NOVA1: variants seen among roughly 807,000 people sequenced by gnomAD.
The protein encoded by NOVA1 is NOVA alternative splicing regulator 1.
Under a neutral mutation model 38.0 loss-of-function variants are expected in NOVA1, and 7 were observed. The observed-to-expected ratio is 0.18, with a 90% CI of 0.10 to 0.35. The LOEUF (loss-of-function observed/expected upper bound fraction) is 0.35, where lower values mean the gene tolerates loss of function less well. NOVA1 is among the 10% of genes least tolerant of loss of function. The pLI is 1.00. For synonymous variants in NOVA1, 270 were observed against 232.5 expected (o/e 1.16, Z -1.47); for missense variants, 460 against 616.0 (o/e 0.75, Z 2.68).
intron 4 of NOVA1, among the ~76,000 whole-genome samples, chr14:26,454,215 G>GAA (rs1882968534): frequency 6.6e-6 from 1 of 152,024 alleles, no homozygotes; most frequent in African/African-American, 2.4e-5. Context: ...TTTGTGTTGG[G>GAA]CCACATTCAA....
chr14:26,562,197 A>G (rs928009950), intron 2 of NOVA1, among the ~76,000 whole-genome samples: 4 of 152,202 alleles, frequency 2.6e-5, no homozygotes, highest in African/African-American at 7.2e-5. Context: ...TTAATAAACT[A>G]AAAGTATCAA....
At chr14:26,596,433 C>T in intron 1 of NOVA1, 2 of 722,676 alleles carry the variant, frequency 2.8e-6, no homozygotes, top group Non-Finnish European at 3.9e-6. Flanking sequence ...CTTTAATTTC[C>T]GTCAACTTGA....
chr14:26,467,959 T>A (rs905673756), intron 4 of NOVA1, among the ~76,000 whole-genome samples: 3 of 152,168 alleles, frequency 2.0e-5, no homozygotes, highest in Admixed American at 6.6e-5. Flanking sequence ...CCCACTGGTG[T>A]TACAACCTGT....
Position 26,480,110 on chromosome 14 carries a change from G to A in NOVA1, c.314C>T (p.Thr105Met), listed in dbSNP as rs374985653. ...ATGAACTGCATTCAGTGCTTCAACC[G>A]TTCCCTGGATCAAGCACACTCGCTC... is the stretch of plus-strand genomic sequence containing the variant. ...TTERVCLIQG[T>M]VEALNAVHGF... is the part of the protein sequence containing the mutation. Residue 105 changes from threonine to methionine, a missense_variant, in exon 3 of 5, where the codon ACG becomes ATG. Transcript: ENST00000539517. The A allele has an allele frequency of 2.5e-5, 41 of 1,613,488 alleles. No individual in the cohort carries two copies. The highest frequency in any genetic ancestry group is 8.8e-5 in the South Asian group (8 of 91,040).
chr14:26,498,912 T>C (rs1887039417), intron 2 of NOVA1, among the ~76,000 whole-genome samples: 1 of 152,176 alleles, frequency 6.6e-6, no homozygotes, highest in South Asian at 2.1e-4. Context: ...TTGGAGAATA[T>C]TATGCTAAGT....
At chr14:26,523,641 C>T (rs962561950) in intron 2 of NOVA1, among the ~76,000 whole-genome samples, 1 of 151,436 alleles carries the variant, frequency 6.6e-6, no homozygotes, top group African/African-American at 2.4e-5. Context: ...TGGTTGTATA[C>T]TAATACATTT....
intron 2 of NOVA1, among the ~76,000 whole-genome samples, chr14:26,531,877 T>C (rs1889742661): frequency 6.6e-6 from 1 of 152,088 alleles, no homozygotes; most frequent in Admixed American, 6.5e-5. Flanking sequence ...AACTGATTAG[T>C]AGAAAAACAA....
Position 26,448,030 on chromosome 14 carries a change from G to C in NOVA1, c.1453C>G (p.Gln485Glu), listed in dbSNP as rs2138546509. 1.2e-6 allele frequency: 2 copies of C among 1,614,122 alleles called. No individual in the cohort carries two copies. Among genetic ancestry groups the C allele is most frequent in the East Asian group, 4.5e-5 (2 of 44,876 alleles). ...GTGATCCTTTGTGTAATTAAATATT[G>C]AGCAGCCTGTGTTGCAGCTGGTGTT... ...TGTPAATQAA[Q>E]YLITQRITYE... The change falls in exon 5 of 5, where the codon CAA becomes GAA. Residue 485 changes from glutamine to glutamate, a missense_variant. By Grantham distance (29) the Gln-to-Glu change is conservative. Transcript: ENST00000539517. This position sits in a 1 kb window ranked among gnomAD's most constrained non-coding sequence, Gnocchi z 5.3.
At chr14:26,492,008 CTG>C (rs1437253892) in intron 2 of NOVA1, among the ~76,000 whole-genome samples, 6 of 151,710 alleles carry the variant, frequency 4.0e-5, no homozygotes, top group African/African-American at 1.5e-4. Context: ...TAAGTCGAGT[CTG>C]TATACTTTGG....
At chr14:26,457,812 T>C (rs921590182) in intron 4 of NOVA1, among the ~76,000 whole-genome samples, 2 of 152,130 alleles carry the variant, frequency 1.3e-5, no homozygotes, top group African/African-American at 4.8e-5. Flanking sequence ...CCATGTGTAT[T>C]AGTGCCCCCA....
At chr14:26,455,236 A>T (rs2138583207) in intron 4 of NOVA1, among the ~76,000 whole-genome samples, 1 of 152,224 alleles carries the variant, frequency 6.6e-6, no homozygotes, top group African/African-American at 2.4e-5. Context: ...GCTCACTCAG[A>T]TTTTAAACCT....
intron 4 of NOVA1, among the ~76,000 whole-genome samples, chr14:26,455,276 T>C (rs1379716360): frequency 6.6e-6 from 1 of 152,140 alleles, no homozygotes; most frequent in Non-Finnish European, 1.5e-5. Flanking sequence ...TCCTGCTCCC[T>C]ACATCTATAT....
At chr14:26,495,773 T>C (rs577448096) in intron 2 of NOVA1, among the ~76,000 whole-genome samples, 12 of 147,906 alleles carry the variant, frequency 8.1e-5, no homozygotes, top group African/African-American at 2.9e-4. Context: ...TGTGATAGTT[T>C]ACTGAGAATG....
At chr14:26,593,988 T>C (rs1876082584) in intron 2 of NOVA1, 1 of 151,960 alleles carries the variant, frequency 6.6e-6, no homozygotes, top group Admixed American at 6.6e-5. Flanking sequence ...AATCAAGCTC[T>C]TTTGAGTGCT....
At chr14:26,482,309 A>G (rs1171539750) in intron 2 of NOVA1, among the ~76,000 whole-genome samples, 1 of 152,180 alleles carries the variant, frequency 6.6e-6, no homozygotes, top group Non-Finnish European at 1.5e-5. Context: ...AAAAGGAAAG[A>G]AAAAAGGAGA....
chr14:26,536,602 C>T (rs1001316809), intron 2 of NOVA1, among the ~76,000 whole-genome samples: 1 of 150,586 alleles, frequency 6.6e-6, no homozygotes, highest in African/African-American at 2.4e-5. Context: ...CTCTCAAAAC[C>T]CCCCAAATCT....
chr14:26,483,734 C>T (rs1003466409), intron 2 of NOVA1, among the ~76,000 whole-genome samples: 1 of 151,978 alleles, frequency 6.6e-6, no homozygotes, highest in African/African-American at 2.4e-5. Context: ...TAAACGATAC[C>T]ATAAGGAAGC....
Position 26,483,593 on chromosome 14 carries a change from C to A in NOVA1, c.281-3450G>T, listed in dbSNP as rs541538132. 2.5e-4 allele frequency among the ~76,000 whole-genome samples: 38 copies of A among 152,186 alleles called. No homozygotes were observed. The South Asian group carries it at 7.9e-3, about 32-fold the overall frequency. On this transcript the variant is annotated intron_variant, in intron 2 of 4. Coordinates refer to ENST00000539517, the MANE Select transcript of NOVA1 (RefSeq NM_002515.3). ...AACATTAGCATGACGAGTATGAAAA[C>A]CAAACATTATATGCTTCTTGATGTG... is the stretch of plus-strand genomic sequence containing the variant.
At chr14:26,559,988 T>C (rs1957529460) in intron 2 of NOVA1, among the ~76,000 whole-genome samples, 1 of 152,102 alleles carries the variant, frequency 6.6e-6, no homozygotes, top group South Asian at 2.1e-4. Flanking sequence ...ACATTGTATG[T>C]ATTAAATTAT....
Sources: allele counts gnomAD v4.1 joint callset (sites outside exome capture counted in the v4.1 genomes callset), GRCh38; gene constraint gnomAD v4.1.1; non-coding constraint Gnocchi (gnomAD v3.1); transcripts MANE v1.5; gene names NCBI Gene and HGNC (gene_info 2026-07-23, HGNC 2026-07-21).